The following LAMC3 variants were observed in gnomAD, a reference collection of about 807,000 sequenced individuals.
The protein encoded by LAMC3 is laminin subunit gamma 3.
Under a neutral mutation model 173.8 loss-of-function variants are expected in LAMC3, and 128 were observed. The observed-to-expected ratio is 0.74, with a 90% confidence interval of 0.64 to 0.85. The LOEUF (loss-of-function observed/expected upper bound fraction) is 0.85. Ranked by LOEUF, LAMC3 falls within the 40% of genes least tolerant of loss-of-function variation. LAMC3 has a pLI of 0.00. For synonymous variants in LAMC3, 897 were observed against 909.1 expected, an observed-to-expected ratio of 0.99 and a Z score of 0.24; for missense variants, 2,022 against 2,156.0, an observed-to-expected ratio of 0.94 and a Z score of 1.23.
In LAMC3 at chr9:131,069,805, A is replaced by G. The variant is rs1384768340; in HGVS notation, c.3024A>G (p.Thr1008=). The G allele has an allele frequency of 1.9e-6, 3 of 1,594,842 alleles. No homozygotes were observed. In the African/African-American group the frequency reaches 4.0e-5, roughly 21 times the overall value. The change falls in exon 17 of 28, where the codon ACA becomes ACG. Residue 1008 remains threonine, a synonymous_variant. Coordinates refer to ENST00000361069, the MANE Select transcript of LAMC3 (RefSeq NM_006059.4). ...HDNFFLTADG[T]HCQQCPSCYA... ...ACTTCTTCCTCACGGCAGACGGCACACACTGCCAGCAATGTCCGTCCTGCT... is the reference window on the plus strand; with the variant it reads ...ACTTCTTCCTCACGGCAGACGGCACGCACTGCCAGCAATGTCCGTCCTGCT...
At chr9:131,025,257 C>T (rs1045508661) in intron 1 of LAMC3, among the ~76,000 whole-genome samples, 1 of 152,130 alleles carries the variant, frequency 6.6e-6, no homozygotes, top group African/African-American at 2.4e-5. Context: ...GGGTTTTTCT[C>T]TTCTTAGGCA....
intron 7 of LAMC3, among the ~76,000 whole-genome samples, chr9:131,045,231 A>ACAAT (rs61161785): frequency 8.5e-6 from 1 of 117,786 alleles, no homozygotes; most frequent in African/African-American, 3.7e-5. Context: ...CAAAAAAAAA[A>ACAAT]AAAAACAACA....
chr9:131,027,709 A>G (rs551310567), intron 2 of LAMC3, among the ~76,000 whole-genome samples: 72 of 152,352 alleles, frequency 4.7e-4, no homozygotes, highest in African/African-American at 1.7e-3. Flanking sequence ...GCTGTGGGGT[A>G]GCGGGAACAC....
Position 131,060,889 on chromosome 9 carries a change from C to T in LAMC3, c.2159-146C>T, listed in dbSNP as rs988579739. 2.4e-5 allele frequency: 19 copies of T among 791,858 alleles called. No homozygotes were observed. The East Asian group carries it at 4.8e-4, about 20-fold the overall frequency. The allele number at this position is 791,858 out of a possible 1,614,324, so 49.1% of individuals were successfully genotyped here. On this transcript the variant is annotated intron_variant, in intron 12 of 27. Transcript: ENST00000361069. ...GGTGGTCCAGCTCCAGGCCTGGACC[C>T]TCAATCCCCAGGCCTTGCTGCCTCT...
At chr9:131,016,079 G>C (rs59356281) in intron 1 of LAMC3, among the ~76,000 whole-genome samples, 399 of 152,296 alleles carry the variant, frequency 2.6e-3, no homozygotes, top group African/African-American at 8.8e-3. Context: ...CCCTGAAAAA[G>C]GAGATTCTCA....
intron 16 of LAMC3, 50 bp from the exon 17 acceptor site, chr9:131,069,622 C>T: frequency 1.3e-6 from 2 of 1,563,750 alleles, no homozygotes; most frequent in Non-Finnish European, 1.7e-6. Flanking sequence ...CCAGCACGCA[C>T]TGCCCCTGGC....
At chr9:131,030,642 C>T (rs1271341532) in intron 2 of LAMC3, among the ~76,000 whole-genome samples, 2 of 152,204 alleles carry the variant, frequency 1.3e-5, no homozygotes, top group Non-Finnish European at 1.5e-5. Flanking sequence ...TCAGGGTTAC[C>T]GTGAGGCCCG....
At chr9:131,031,561 G>T (rs1446408687) in intron 2 of LAMC3, among the ~76,000 whole-genome samples, 2 of 152,214 alleles carry the variant, frequency 1.3e-5, no homozygotes, top group Non-Finnish European at 2.9e-5. Flanking sequence ...GAGCAGGGGA[G>T]AAGGTTGCGG....
chr9:131,067,258 C>T (rs1367270106), intron 14 of LAMC3, 53 bp downstream of exon 14: 5 of 1,606,640 alleles, frequency 3.1e-6, no homozygotes, highest in Non-Finnish European at 4.2e-6. Flanking sequence ...CCCTTCTCTT[C>T]TGCCCTGGCT....
chr9:131,067,266 G>A, intron 14 of LAMC3, 61 bp downstream of exon 14: 1 of 1,603,958 alleles, frequency 6.2e-7, no homozygotes, highest in South Asian at 1.1e-5. Context: ...TTCTGCCCTG[G>A]CTCAGGGCCC....
intron 27 of LAMC3, among the ~76,000 whole-genome samples, chr9:131,090,998 A>G (rs1472894344): frequency 1.3e-5 from 2 of 152,172 alleles, no homozygotes; most frequent in African/African-American, 4.8e-5. Context: ...TCCAGCCTGG[A>G]CAACAGAGCG....
chr9:131,082,208 C>A, intron 24 of LAMC3, 47 bp downstream of exon 24: 1 of 1,359,630 alleles, frequency 7.4e-7, no homozygotes, highest in Non-Finnish European at 1.0e-6. Context: ...ACGAACGCCC[C>A]TGACAGCCAC....
At chr9:131,040,288 T>C (rs960965192) in intron 6 of LAMC3, among the ~76,000 whole-genome samples, 1 of 151,986 alleles carries the variant, frequency 6.6e-6, no homozygotes, top group African/African-American at 2.4e-5. Flanking sequence ...AGTGATCCTC[T>C]CATCTCAGCC....
rs771846512 is a variant in LAMC3, at chr9:131,039,139, C to A, written c.1174C>A (p.His392Asn). The change falls in exon 6 of 28, where the codon CAC becomes AAC. Residue 392 changes from histidine to asparagine, a missense_variant. Transcript: ENST00000361069. ...TGCCCTTCCTCTCCCAGGCTCCCTA[C>A]ACCTCCAGTGCGATGACACAGGCAC... ...PCDCQSAGSL[H>N]LQCDDTGTCA... The A allele has an allele frequency of 1.2e-6, 2 of 1,611,516 alleles. No individual in the cohort carries two copies.
chr9:131,037,976 C>A (rs971381679), intron 4 of LAMC3, among the ~76,000 whole-genome samples: 1 of 152,254 alleles, frequency 6.6e-6, no homozygotes, highest in Admixed American at 6.5e-5. Context: ...CAAAGTCCTT[C>A]CTTCCCTGCC....
At chr9:131,018,304 T>G (rs1237097520) in intron 1 of LAMC3, among the ~76,000 whole-genome samples, 5 of 151,564 alleles carry the variant, frequency 3.3e-5, no homozygotes, top group Non-Finnish European at 7.4e-5. Flanking sequence ...CCGGCTAATT[T>G]TTTGTATTTT....
At chr9:131,085,398 G>T (rs951141307) in intron 24 of LAMC3, 126 bp from the exon 25 acceptor site, 17 of 890,894 alleles carry the variant, frequency 1.9e-5, no homozygotes, top group Non-Finnish European at 3.2e-5. Context: ...CACGTTGCAT[G>T]CACTTCAGAC....
rs562438917 is a variant in LAMC3, at chr9:131,083,290, G to A, written c.4030+1129G>A. ...AATGAGAACATTCTTGTGTGTAGTG[G>A]ATGGAAATTTCCTTGCACTGTTCCC... On this transcript the variant is annotated intron_variant, in intron 24 of 27. Coordinates refer to ENST00000361069, the MANE Select transcript of LAMC3 (RefSeq NM_006059.4). Among the ~76,000 whole-genome samples, 12 of 152,266 alleles carry A rather than the reference G, an allele frequency of 7.9e-5. No individual in the cohort carries two copies. The South Asian group carries it at 2.5e-3, about 32-fold the overall frequency.
chr9:131,033,800 G>A (rs1413756350), intron 3 of LAMC3, among the ~76,000 whole-genome samples: 1 of 152,112 alleles, frequency 6.6e-6, no homozygotes, highest in Non-Finnish European at 1.5e-5. Flanking sequence ...TGTGAACCAT[G>A]GGCCATGGGA....
Sources: allele counts gnomAD v4.1 joint callset (sites outside exome capture counted in the v4.1 genomes callset), GRCh38; gene constraint gnomAD v4.1.1; transcripts MANE v1.5; gene names NCBI Gene and HGNC (gene_info 2026-07-23, HGNC 2026-07-21).